MDFIC: variants seen among roughly 807,000 people sequenced by gnomAD.
The protein encoded by MDFIC is MyoD family inhibitor domain containing, also known as myoD family inhibitor domain-containing protein.
In MDFIC, 17 loss-of-function variants were observed where a neutral mutation model predicts 23.2. That is an observed-to-expected ratio of 0.73 (90% CI 0.50 to 1.10). The LOEUF is 1.10. Ranked by LOEUF, MDFIC falls within the 50% of genes least tolerant of loss-of-function variation. MDFIC has a pLI of 0.00. For synonymous variants in MDFIC, 120 were observed against 115.2 expected (o/e 1.04, Z -0.27); for missense variants, 356 against 316.6 (o/e 1.12, Z -0.95).
At chr7:114,981,405 G>A (rs7799732) in intron 4 of MDFIC, among the ~76,000 whole-genome samples, 62,005 of 151,828 alleles carry the variant, frequency 0.41, 12,942 homozygotes, top group Non-Finnish European at 0.45. Flanking sequence ...ACATACGAAG[G>A]AGGAAGAAAA....
rs978230086 is a variant in MDFIC, at chr7:114,979,887, A to C, written c.493+106A>C. On this transcript the variant is annotated intron_variant, in intron 4 of 4. Transcript: ENST00000393486. ...AATTGAAGAATCTTGCTTATCCTTC[A>C]GACAAACAGGAATTTTGGTAAAATG... is the stretch of plus-strand genomic sequence containing the variant. 2.2e-6 allele frequency: 3 copies of C among 1,358,510 alleles called. No individual in the cohort carries two copies. The East Asian group carries it at 7.2e-5, about 33-fold the overall frequency. 84.2% of individuals were successfully genotyped at this position (1,358,510 alleles called of 1,614,324 possible). A position where few individuals can be genotyped will look rare whatever the true frequency, so the allele number is the denominator to read the frequency against.
At chr7:114,975,983 C>A (rs1793301136) in intron 3 of MDFIC, among the ~76,000 whole-genome samples, 1 of 151,984 alleles carries the variant, frequency 6.6e-6, no homozygotes, top group Non-Finnish European at 1.5e-5. Context: ...TATCTGCCAA[C>A]AGAAATGGAT....
At chr7:114,929,084 G>GATCTATCTATCTATTTATCTATCTATCT in intron 2 of MDFIC, among the ~76,000 whole-genome samples, 1 of 148,078 alleles carries the variant, frequency 6.8e-6, no homozygotes, top group East Asian at 2.1e-4. Flanking sequence ...GATAAATATA[G>GATCTATCTATCTATTTATCTATCTATCT]ATCTATCTAT....
intron 4 of MDFIC, among the ~76,000 whole-genome samples, chr7:114,991,934 C>CT (rs1204183752): frequency 6.6e-6 from 1 of 152,108 alleles, no homozygotes; most frequent in African/African-American, 2.4e-5. Flanking sequence ...TATAAGTTAC[C>CT]TTAGGCAGTA....
intron 4 of MDFIC, chr7:115,014,463 T>A (rs1296665780): frequency 7.8e-7 from 1 of 1,289,804 alleles, no homozygotes; most frequent in East Asian, 5.5e-5. Flanking sequence ...TGGTTTTCAG[T>A]TTGCTGACAC....
intron 4 of MDFIC, among the ~76,000 whole-genome samples, chr7:115,008,478 C>T (rs892492296): frequency 2.0e-5 from 3 of 152,170 alleles, no homozygotes; most frequent in African/African-American, 7.2e-5. Context: ...AAAATGTTGA[C>T]TGGATTCTGG....
chr7:114,974,000 A>G (rs762895598), intron 3 of MDFIC, among the ~76,000 whole-genome samples: 1 of 152,170 alleles, frequency 6.6e-6, no homozygotes, highest in Non-Finnish European at 1.5e-5. Context: ...AAAAGATTAG[A>G]AGGCCCTTGC....
rs1397480992 is a variant in MDFIC, at chr7:114,942,786, A to G, written c.217+389A>G. Reference sequence around the variant, plus strand: ...TCTGTTCTTCTAGCTAACTGACTCCAAATTTTTTTTATGATTAATATTTTA... The same window carrying G: ...TCTGTTCTTCTAGCTAACTGACTCCGAATTTTTTTTATGATTAATATTTTA... On this transcript the variant is annotated intron_variant, in intron 3 of 4. Coordinates refer to ENST00000393486, the MANE Select transcript of MDFIC (RefSeq NM_001166345.3). 3.3e-5 allele frequency among the ~76,000 whole-genome samples: 5 copies of G among 152,342 alleles called. No individual in the cohort carries two copies. In the East Asian group the frequency reaches 5.8e-4, roughly 18 times the overall value.
intron 2 of MDFIC, among the ~76,000 whole-genome samples, chr7:114,929,034 T>C (rs1027314633): frequency 6.7e-6 from 1 of 149,868 alleles, no homozygotes; most frequent in Non-Finnish European, 1.5e-5. Context: ...GTAAAAAATA[T>C]AGATATAGAT....
chr7:114,949,377 C>T (rs1332410341), intron 3 of MDFIC, among the ~76,000 whole-genome samples: 1 of 152,102 alleles, frequency 6.6e-6, no homozygotes, highest in Non-Finnish European at 1.5e-5. Context: ...GCTTAGAGAT[C>T]ATCCCAAAAA....
At chr7:115,010,035 T>G (rs928347702) in intron 4 of MDFIC, among the ~76,000 whole-genome samples, 1 of 151,664 alleles carries the variant, frequency 6.6e-6, no homozygotes, top group Admixed American at 6.6e-5. Flanking sequence ...CTGTAAATAA[T>G]GACTGAATAA....
intron 4 of MDFIC, among the ~76,000 whole-genome samples, chr7:115,012,119 C>A (rs961706824): frequency 6.6e-6 from 1 of 152,198 alleles, no homozygotes; most frequent in Non-Finnish European, 1.5e-5. Context: ...AACTTATCTC[C>A]CTTTTGTTAG....
chr7:114,927,232 C>G (rs980574382), intron 2 of MDFIC, among the ~76,000 whole-genome samples: 7 of 152,108 alleles, frequency 4.6e-5, no homozygotes, highest in African/African-American at 1.7e-4. Context: ...TAATCAAGCT[C>G]CAGGTGCTCC....
chr7:114,928,415 A>C (rs1792238991), intron 2 of MDFIC, among the ~76,000 whole-genome samples: 1 of 152,232 alleles, frequency 6.6e-6, no homozygotes, highest in Non-Finnish European at 1.5e-5. Flanking sequence ...ATGGCAGAAC[A>C]TGGGCGAGAG....
chr7:114,924,029 T>C (rs1792142460), intron 2 of MDFIC, among the ~76,000 whole-genome samples: 1 of 152,114 alleles, frequency 6.6e-6, no homozygotes, highest in Middle Eastern at 3.2e-3. Flanking sequence ...CAGCAAAAAT[T>C]GGAGAAGGAG....
intron 3 of MDFIC, among the ~76,000 whole-genome samples, chr7:114,947,189 T>C (rs767442628): frequency 7.9e-5 from 12 of 152,200 alleles, no homozygotes; most frequent in Non-Finnish European, 1.8e-4. Flanking sequence ...ATAGCTATCA[T>C]ATTATGTTTC....
At chr7:114,959,601 A>G (rs981083099) in intron 3 of MDFIC, among the ~76,000 whole-genome samples, 4 of 152,212 alleles carry the variant, frequency 2.6e-5, no homozygotes, top group African/African-American at 9.6e-5. Context: ...CTTAATTTCA[A>G]CTTAGAGAGT....
At chr7:114,991,045 C>G (rs996290519) in intron 4 of MDFIC, among the ~76,000 whole-genome samples, 2 of 151,934 alleles carry the variant, frequency 1.3e-5, no homozygotes, top group Non-Finnish European at 2.9e-5. Context: ...ACCATTCTAA[C>G]TGGTGTGAGA....
chr7:114,967,008 T>C (rs964120792), intron 3 of MDFIC, among the ~76,000 whole-genome samples: 1 of 152,160 alleles, frequency 6.6e-6, no homozygotes, highest in Non-Finnish European at 1.5e-5. Flanking sequence ...AGAGCAAATA[T>C]GTAAAAAGTT....
Sources: allele counts gnomAD v4.1 joint callset (sites outside exome capture counted in the v4.1 genomes callset), GRCh38; gene constraint gnomAD v4.1.1; transcripts MANE v1.5; gene names NCBI Gene and HGNC (gene_info 2026-07-23, HGNC 2026-07-21).